The following OLFM1 variants were observed in gnomAD, a reference collection of about 807,000 sequenced individuals.
OLFM1 encodes olfactomedin 1.
In OLFM1, 9 loss-of-function variants were observed where a neutral mutation model predicts 49.7. The ratio of observed to expected loss-of-function variants is 0.18; its 90% CI spans 0.11 to 0.32. OLFM1 has a LOEUF of 0.32. Among genes scored for constraint, OLFM1 ranks in the 10% least tolerant of loss-of-function variants. The probability of loss-of-function intolerance (pLI) is 1.00; values close to 1 mark genes in which losing one functional copy is unlikely to be tolerated. For missense variants in OLFM1, 369 were observed against 661.8 expected, an observed-to-expected ratio of 0.56 and a Z score of 4.85; for synonymous variants, 240 against 271.8, an observed-to-expected ratio of 0.88 and a Z score of 1.15.
chr9:135,087,443 G>C (rs973925136), upstream of OLFM1: 1 of 1,542,824 alleles, frequency 6.5e-7, no homozygotes, highest in Admixed American at 2.0e-5. Flanking sequence ...CCGCCGCCGG[G>C]TATTTTATGA....
At chr9:135,094,678 G>T (rs1830762947) in intron 2 of OLFM1, among the ~76,000 whole-genome samples, 1 of 152,174 alleles carries the variant, frequency 6.6e-6, no homozygotes, top group Non-Finnish European at 1.5e-5. Context: ...GGGGTGCTGA[G>T]ATTGGCAATA....
intron 2 of OLFM1, among the ~76,000 whole-genome samples, chr9:135,093,373 G>A (rs1336516820): frequency 1.3e-5 from 2 of 152,234 alleles, no homozygotes; most frequent in African/African-American, 4.8e-5. Flanking sequence ...TCCTGGCTGG[G>A]TGACAGTAAG....
upstream of OLFM1, among the ~76,000 whole-genome samples, chr9:135,086,042 C>G (rs1830592094): frequency 6.6e-6 from 1 of 152,228 alleles, no homozygotes; most frequent in Non-Finnish European, 1.5e-5. Flanking sequence ...AATTTGTTCC[C>G]GCAGAACAAG....
In OLFM1 at chr9:135,097,871, G is replaced by T. The variant is rs1209165956; in HGVS notation, c.457-415G>T. Reference sequence around the variant, plus strand: ...ATGAAAGAGAGCCAGAGAGCTTTTTGCACCATGCATTTTTACTATTATTTT... The same window carrying T: ...ATGAAAGAGAGCCAGAGAGCTTTTTTCACCATGCATTTTTACTATTATTTT... On this transcript the variant is annotated intron_variant, in intron 3 of 5. Coordinates refer to ENST00000371793, the MANE Select transcript of OLFM1 (RefSeq NM_001282611.2). 6.3e-6 allele frequency: 10 copies of T among 1,594,240 alleles called. No homozygotes were observed. The African/African-American group carries it at 1.1e-4, about 17-fold the overall frequency.
intron 2 of OLFM1, among the ~76,000 whole-genome samples, chr9:135,091,577 TCA>T (rs796534897): frequency 1.0e-4 from 6 of 59,916 alleles, no homozygotes; most frequent in East Asian, 5.3e-4. Context: ...ACACACACAG[TCA>T]CACACTCACA....
rs117796187 is a variant in OLFM1 at position 135,117,620 on chromosome 9, G to A, written c.784-1884G>A. Among the ~76,000 whole-genome samples the A allele has an allele frequency of 2.2e-3, 339 of 152,348 alleles. 6 individuals are homozygous for A. In the East Asian group the frequency reaches 0.037, roughly 17 times the overall value. On this transcript the variant is annotated intron_variant, in intron 5 of 5. Coordinates refer to ENST00000371793, the MANE Select transcript of OLFM1 (RefSeq NM_001282611.2). This position sits in a 1 kb window ranked among gnomAD's most constrained non-coding sequence, Gnocchi z 5.5. ...AAGGCCCCCTTCAGCCCTGGGTTCT[G>A]TACTGAAGGAGCTCCTTTCTTGCAC... is the stretch of plus-strand genomic sequence containing the variant.
chr9:135,096,225 T>C (rs180998454), intron 3 of OLFM1, among the ~76,000 whole-genome samples: 3 of 111,282 alleles, frequency 2.7e-5, no homozygotes, highest in East Asian at 2.8e-4. Flanking sequence ...CTCTTCCTCC[T>C]CCCTCTCCTT....
chr9:135,108,653 A>C lies in OLFM1; in HGVS notation c.783+1798A>C, dbSNP rs577100428. Among the ~76,000 whole-genome samples, 6 of 152,146 alleles carry C rather than the reference A, an allele frequency of 3.9e-5. No homozygotes were observed. The South Asian group carries it at 1.2e-3, about 32-fold the overall frequency. On this transcript the variant is annotated intron_variant, in intron 5 of 5. Coordinates refer to ENST00000371793, the MANE Select transcript of OLFM1 (RefSeq NM_001282611.2). ...GTCTCAAAAAAAAAAAAACAAAAAA[A>C]ACAGCGAGTGTGTCCTGTGTGCAGG...
chr9:135,095,893 C>T lies in OLFM1; in HGVS notation c.330C>T (p.Val110=), dbSNP rs923653799. The change falls in exon 3 of 6, where the codon GTC becomes GTT. Residue 110 remains valine (V), a synonymous_variant. Transcript: ENST00000371793. The part of the protein sequence containing the change: ...KVQNMSQSIE[V]LDRRTQRDLQ... ...AGAACATGTCTCAATCCATAGAGGT[C>T]TTGGACAGGCGGACCCAGAGAGACT... 3 of 1,612,982 alleles carry T rather than the reference C, an allele frequency of 1.9e-6. No homozygotes were observed. The highest frequency in any genetic ancestry group is 2.5e-6 in the Non-Finnish European group (3 of 1,179,552).
rs139909298 is a variant in OLFM1, at chr9:135,093,416, C to T, written c.301-2448C>T. On this transcript the variant is annotated intron_variant, in intron 2 of 5. Transcript: ENST00000371793. ...CTTAACTTCTCTGAGCCTTGGTCTC[C>T]CTATGTGTAAAATGGGACTCAAAAT... Among the ~76,000 whole-genome samples the T allele has an allele frequency of 2.4e-3, 364 of 152,296 alleles. 14 individuals are homozygous for T. The South Asian group carries it at 0.052, about 22-fold the overall frequency.
intron 4 of OLFM1, chr9:135,106,389 T>G: frequency 4.4e-6 from 1 of 228,488 alleles, no homozygotes; most frequent in Non-Finnish European, 8.7e-6. Context: ...GAGAAGAAAA[T>G]TGAGTCTTGG....
chr9:135,120,254 C>G lies in OLFM1; in HGVS notation c.*76C>G. ...CTGTGAAACTGCTGCCAAAAAGATA[C>G]CAATAACACTAACAATACCGATCTT... is the stretch of plus-strand genomic sequence containing the variant. On this transcript the variant is annotated 3_prime_UTR_variant, in exon 6 of 6. Coordinates refer to ENST00000371793, the MANE Select transcript of OLFM1 (RefSeq NM_001282611.2). 8.1e-7 allele frequency: 1 copy of G among 1,231,614 alleles called. No homozygotes were observed. The highest frequency in any genetic ancestry group is 1.1e-6 in the Non-Finnish European group (1 of 877,126). The allele number at this position is 1,231,614 out of a possible 1,614,324, so 76.3% of individuals were successfully genotyped here.
Position 135,113,792 on chromosome 9 carries a change from G to T in OLFM1, c.784-5712G>T, listed in dbSNP as rs1012852529. Among the ~76,000 whole-genome samples, 1 of 152,224 alleles carries T rather than the reference G, an allele frequency of 6.6e-6. No homozygotes were observed. The highest frequency in any genetic ancestry group is 6.5e-5 in the Admixed American group (1 of 15,292). On this transcript the variant is annotated intron_variant, in intron 5 of 5. Coordinates refer to ENST00000371793, the MANE Select transcript of OLFM1 (RefSeq NM_001282611.2). This position sits in a 1 kb window ranked among gnomAD's most constrained non-coding sequence, Gnocchi z 4.0. ...CACATGCCCGATGCCCCAGCACACG[G>T]GTGTGGAAGCCCAAGAGGTGCCCTG...
Position 135,117,324 on chromosome 9 carries a change from G to A in OLFM1, c.784-2180G>A, listed in dbSNP as rs1364671564. On this transcript the variant is annotated intron_variant, in intron 5 of 5. Coordinates refer to ENST00000371793, the MANE Select transcript of OLFM1 (RefSeq NM_001282611.2). This position sits in a 1 kb window ranked among gnomAD's most constrained non-coding sequence, Gnocchi z 5.5. Reference sequence around the variant, plus strand: ...CAAAGCCCATATTCTTCTCGGAGAGGCACTTTTGCTGGATTAGGGGTGACA... The same window carrying A: ...CAAAGCCCATATTCTTCTCGGAGAGACACTTTTGCTGGATTAGGGGTGACA... Among the ~76,000 whole-genome samples, 2 of 152,186 alleles carry A rather than the reference G, an allele frequency of 1.3e-5. No homozygotes were observed. The highest frequency in any genetic ancestry group is 1.9e-4 in the East Asian group (1 of 5,196).
chr9:135,118,371 G>T (rs746854000), intron 5 of OLFM1, among the ~76,000 whole-genome samples: 46 of 150,724 alleles, frequency 3.1e-4, no homozygotes, highest in Non-Finnish European at 5.0e-4. Context: ...ATGCTCACTG[G>T]GTCTTTGGAG....
At chr9:135,119,402 GTCTTTGGAGTACTCACTGGA>G (rs1340994504) in intron 5 of OLFM1, 82 bp from the exon 6 acceptor site, 1 of 979,994 alleles carries the variant, frequency 1.0e-6, no homozygotes, top group Non-Finnish European at 1.5e-6. Flanking sequence ...TGCTCAGTGG[GTCTTTGGAGTACTCACTGGA>G]TCTTTGGAAG....
In OLFM1 at chr9:135,121,101, A is replaced by G. The variant is rs1237039377; in HGVS notation, c.*923A>G. 1 of 152,336 alleles carries G rather than the reference A, an allele frequency of 6.6e-6. No homozygotes were observed. The highest frequency in any genetic ancestry group is 1.5e-5 in the Non-Finnish European group (1 of 68,040). The allele number at this position is 152,336 out of a possible 1,614,324, so 9.4% of individuals were successfully genotyped here. A position where few individuals can be genotyped will look rare whatever the true frequency, so the allele number is the denominator to read the frequency against. On this transcript the variant is annotated 3_prime_UTR_variant, in exon 6 of 6. Transcript: ENST00000371793. ...GTCATACGGGCAACAGTATGCGGAA[A>G]GTACGTTTTTTAAGTAAAAAACAAA...
At chr9:135,111,767 T>C (rs1230987770) in intron 5 of OLFM1, among the ~76,000 whole-genome samples, 2 of 152,178 alleles carry the variant, frequency 1.3e-5, no homozygotes, top group East Asian at 1.9e-4. Context: ...TGGAGTGCAG[T>C]GGTGCAATCT....
At chr9:135,097,653 T>C (rs1830818864) in intron 3 of OLFM1, 1 of 810,000 alleles carries the variant, frequency 1.2e-6, no homozygotes, top group South Asian at 1.4e-5. Flanking sequence ...CAGTTTGTTT[T>C]GACTAACTCG....
Sources: gnomAD v4.1 joint callset for allele counts (sites outside exome capture counted in the v4.1 genomes callset) on GRCh38, gnomAD v4.1.1 for gene constraint, Gnocchi (gnomAD v3.1) non-coding constraint, MANE v1.5 for transcripts, NCBI Gene and HGNC (gene_info 2026-07-23, HGNC 2026-07-21) for gene names.